The following LINGO2 variants were observed in gnomAD, a reference collection of about 807,000 sequenced individuals.
LINGO2 encodes leucine rich repeat and Ig domain containing 2, also known as leucine-rich repeat and immunoglobulin-like domain-containing nogo receptor-interacting protein 2.
LINGO2 carries 14 observed loss-of-function variants against 30.6 expected under a neutral mutation model. The ratio of observed to expected loss-of-function variants is 0.46; its 90% confidence interval spans 0.30 to 0.72. LINGO2 has a LOEUF of 0.72. LINGO2 is among the 30% of genes least tolerant of loss of function. The pLI, the probability that LINGO2 is intolerant of heterozygous loss-of-function variation, is 0.07. For missense variants in LINGO2, 729 were observed against 751.7 expected (o/e 0.97, Z 0.35); for synonymous variants, 317 against 288.5 (o/e 1.10, Z -1.00).
At chr9:27,965,600 T>C (rs1820063993) in intron 5 of LINGO2, among the ~76,000 whole-genome samples, 1 of 152,138 alleles carries the variant, frequency 6.6e-6, no homozygotes. Flanking sequence ...CATTAATTGA[T>C]AGTTTCTGTT....
At chr9:28,827,682 G>T in the LINGO2 span, among the ~76,000 whole-genome samples, 2 of 152,126 alleles carry the variant, frequency 1.3e-5, no homozygotes, top group Non-Finnish European at 2.9e-5. Flanking sequence ...AATTCTAGAT[G>T]ATTTAATTAG....
At chr9:28,675,928 TACACACACACACACACACACACAG>T in the LINGO2 span, among the ~76,000 whole-genome samples, 4 of 135,660 alleles carry the variant, frequency 2.9e-5, no homozygotes, top group Admixed American at 7.6e-5. Flanking sequence ...TATATATACA[TACACACACACACACACACACACAG>T]ATATATATGT....
At chr9:28,891,219 T>A in the LINGO2 span, among the ~76,000 whole-genome samples, 4 of 152,008 alleles carry the variant, frequency 2.6e-5, no homozygotes, top group African/African-American at 9.7e-5. Context: ...CAGAGACCTG[T>A]ATGTAACTAT....
intron 4 of LINGO2, chr9:28,012,415 A>T (rs71512419): frequency 7.8e-5 from 7 of 90,194 alleles, no homozygotes; most frequent in African/African-American, 3.5e-4. Flanking sequence ...CCTCAAGGAT[A>T]AAAAAAAAAA....
chr9:29,135,560 A>G, the LINGO2 span, among the ~76,000 whole-genome samples: 1 of 135,480 alleles, frequency 7.4e-6, no homozygotes, highest in South Asian at 2.3e-4. Context: ...TCCATCTCCA[A>G]AAAAAAAAAA....
At chr9:28,745,128 T>C in the LINGO2 span, among the ~76,000 whole-genome samples, 1 of 152,032 alleles carries the variant, frequency 6.6e-6, no homozygotes, top group Non-Finnish European at 1.5e-5. Context: ...GGATTACTCC[T>C]GAGAGAGTAT....
chr9:29,055,938 G>A, the LINGO2 span, among the ~76,000 whole-genome samples: 935 of 97,932 alleles, frequency 9.5e-3, 16 homozygotes, highest in East Asian at 0.02. Flanking sequence ...GTATGTGTGT[G>A]TGTATATATA....
At chr9:28,985,897 T>A in the LINGO2 span, among the ~76,000 whole-genome samples, 15 of 152,100 alleles carry the variant, frequency 9.9e-5, no homozygotes, top group Non-Finnish European at 1.5e-5. Context: ...TCACTTTTGC[T>A]GTCTGCACTT....
chr9:28,025,533 T>A (rs1823334915), intron 4 of LINGO2, among the ~76,000 whole-genome samples: 1 of 152,206 alleles, frequency 6.6e-6, no homozygotes, highest in South Asian at 2.1e-4. Flanking sequence ...GAGCATTTTT[T>A]CCTTCCAAAG....
chr9:27,961,351 A>G (rs1234636023), intron 5 of LINGO2, among the ~76,000 whole-genome samples: 1 of 152,210 alleles, frequency 6.6e-6, no homozygotes, highest in Non-Finnish European at 1.5e-5. Flanking sequence ...AGTAAAATAT[A>G]GGAGCTCTGC....
Position 28,288,358 on chromosome 9 carries a change from A to T in LINGO2, c.-87+6850T>A, listed in dbSNP as rs73431317. The stretch of plus-strand genomic sequence containing the variant: ...CCTTCATACCAGTTTCCCATCCATT[A>T]AAACCCACTCCATTTGATTGAAGTG... On this transcript the variant is annotated intron_variant, in intron 4 of 5. Coordinates refer to ENST00000379992, the Ensembl canonical transcript of LINGO2. Among the ~76,000 whole-genome samples the T allele has an allele frequency of 8.2e-3, 1,247 of 152,272 alleles. 23 individuals are homozygous for T. The highest frequency in any genetic ancestry group is 0.029 in the African/African-American group (1,185 of 41,554).
Position 28,364,770 on chromosome 9 carries a change from C to G in LINGO2, c.-246+8066G>C, listed in dbSNP as rs543771030. On this transcript the variant is annotated intron_variant, in intron 3 of 5. Transcript: ENST00000379992. ...CCTCCTAAGTAAATATTTTGCATTA[C>G]AATTGTCCAGATGTGCAAGATGCTT... Among the ~76,000 whole-genome samples the G allele has an allele frequency of 7.9e-5, 12 of 152,322 alleles. No individual in the cohort carries two copies. The South Asian group carries it at 2.3e-3, about 29-fold the overall frequency.
chr9:28,124,004 A>G (rs1241915510), intron 4 of LINGO2, among the ~76,000 whole-genome samples: 1 of 152,186 alleles, frequency 6.6e-6, no homozygotes, highest in African/African-American at 2.4e-5. Flanking sequence ...ATAATGTTAT[A>G]TAATATCCTA....
At chr9:27,943,894 C>G (rs1047261313), downstream of LINGO2, 11 of 152,036 alleles carry the variant, frequency 7.2e-5, no homozygotes, top group African/African-American at 2.7e-4. Flanking sequence ...AGGATGTTCT[C>G]CAGGGAGAAG....
intron 4 of LINGO2, among the ~76,000 whole-genome samples, chr9:28,015,347 C>T (rs1822774068): frequency 6.6e-6 from 1 of 152,010 alleles, no homozygotes; most frequent in South Asian, 2.1e-4. Flanking sequence ...AATTTTTTAT[C>T]CCATGGAGAA....
At chr9:28,791,721 A>G in the LINGO2 span, among the ~76,000 whole-genome samples, 1 of 151,998 alleles carries the variant, frequency 6.6e-6, no homozygotes, top group Non-Finnish European at 1.5e-5. Context: ...AAATGTTTTG[A>G]TTAATAAAAA....
At chr9:28,201,536 C>T (rs951460536) in intron 4 of LINGO2, among the ~76,000 whole-genome samples, 2 of 150,770 alleles carry the variant, frequency 1.3e-5, no homozygotes, top group Admixed American at 1.3e-4. Context: ...CTGCAATAAA[C>T]ATACGTGTGC....
chr9:28,843,204 G>A, the LINGO2 span, among the ~76,000 whole-genome samples: 2 of 151,494 alleles, frequency 1.3e-5, no homozygotes, highest in Non-Finnish European at 2.9e-5. Context: ...TCCAGCATAG[G>A]AAATAATACT....
In LINGO2 at chr9:28,023,848, C is replaced by T. The variant is rs147114769; in HGVS notation, c.-86-11443G>A. Reference sequence around the variant, plus strand: ...TATGGGGCCCCCTAAGATTATGCCACACAGGAATTTTTTCCTTTAGCTAGT... The same window carrying T: ...TATGGGGCCCCCTAAGATTATGCCATACAGGAATTTTTTCCTTTAGCTAGT... On this transcript the variant is annotated intron_variant, in intron 4 of 5. Coordinates refer to ENST00000379992, the Ensembl canonical transcript of LINGO2. Among the ~76,000 whole-genome samples, 419 of 152,234 alleles carry T rather than the reference C, an allele frequency of 2.8e-3. 3 individuals carry two copies. The highest frequency in any genetic ancestry group is 5.3e-3 in the Non-Finnish European group (360 of 67,994).
Sources: allele counts gnomAD v4.1 joint callset (sites outside exome capture counted in the v4.1 genomes callset), GRCh38; gene constraint gnomAD v4.1.1; transcripts MANE v1.5; gene names NCBI Gene and HGNC (gene_info 2026-07-23, HGNC 2026-07-21).